The following DEPDC5 variants were observed in gnomAD, a reference collection of about 807,000 sequenced individuals.
The protein encoded by DEPDC5 is GATOR1 complex protein DEPDC5.
DEPDC5 carries 73 observed loss-of-function variants against 217.3 expected under a neutral mutation model. The observed-to-expected ratio is 0.34, with a 90% CI of 0.28 to 0.41. The LOEUF (loss-of-function observed/expected upper bound fraction) is 0.41, where lower values mean the gene tolerates loss of function less well. Ranked by LOEUF, DEPDC5 falls within the 10% of genes least tolerant of loss-of-function variation. The probability of loss-of-function intolerance (pLI) is 1.00; values close to 1 mark genes in which losing one functional copy is unlikely to be tolerated. For missense variants in DEPDC5, 1,675 were observed against 2,070.1 expected (o/e 0.81, Z 3.70); for synonymous variants, 733 against 756.7 (o/e 0.97, Z 0.51).
At chr22:31,831,603 G>A (rs554849558) in intron 24 of DEPDC5, among the ~76,000 whole-genome samples, 4 of 152,034 alleles carry the variant, frequency 2.6e-5, no homozygotes, top group Non-Finnish European at 5.9e-5. Context: ...TGGGATTATA[G>A]GTGCCCACCA....
At chr22:31,841,809 T>TG (rs1216090276) in intron 27 of DEPDC5, among the ~76,000 whole-genome samples, 1 of 152,188 alleles carries the variant, frequency 6.6e-6, no homozygotes, top group African/African-American at 2.4e-5. Context: ...TGTGGAAAGT[T>TG]GGGGTTTTCC....
At chr22:31,856,392 C>G (rs1352756012) in intron 31 of DEPDC5, among the ~76,000 whole-genome samples, 1 of 152,178 alleles carries the variant, frequency 6.6e-6, no homozygotes, top group Non-Finnish European at 1.5e-5. Context: ...CTGCCTCGCA[C>G]TGTCCATCAC....
At chr22:31,879,065 T>TACACAC (rs1370897437) in intron 37 of DEPDC5, among the ~76,000 whole-genome samples, 16 of 137,620 alleles carry the variant, frequency 1.2e-4, no homozygotes, top group Admixed American at 2.2e-4. Context: ...TATATATATA[T>TACACAC]ATACACACAC....
intron 38 of DEPDC5, 111 bp downstream of exon 38, chr22:31,879,863 GC>G: frequency 9.3e-7 from 1 of 1,071,086 alleles, no homozygotes; most frequent in Non-Finnish European, 1.4e-6. Context: ...AGTCGCTGAG[GC>G]CGTCACACAG....
At chr22:31,765,238 A>G (rs2082712445) in intron 5 of DEPDC5, among the ~76,000 whole-genome samples, 178 bp downstream of exon 5, 1 of 152,210 alleles carries the variant, frequency 6.6e-6, no homozygotes, top group African/African-American at 2.4e-5. Flanking sequence ...ACTTGAGGCC[A>G]GGAGTTCAAG....
intron 28 of DEPDC5, among the ~76,000 whole-genome samples, 159 bp from the exon 29 acceptor site, chr22:31,843,486 C>A (rs146151081): frequency 6.6e-6 from 1 of 152,154 alleles, no homozygotes; most frequent in Admixed American, 6.5e-5. Context: ...TTAAGAAGAT[C>A]TGAGAAATTT....
intron 39 of DEPDC5, chr22:31,894,637 G>A (rs2093510419): frequency 6.6e-6 from 1 of 152,170 alleles, no homozygotes. Flanking sequence ...TCAAGGTCAG[G>A]AGTTCAAAAC....
chr22:31,765,775 C>G (rs965506655), intron 5 of DEPDC5, among the ~76,000 whole-genome samples: 5 of 152,034 alleles, frequency 3.3e-5, no homozygotes, highest in Non-Finnish European at 7.4e-5. Context: ...GTAATCCCAG[C>G]ACTTTGGGAG....
rs199566278 is a variant in DEPDC5, at chr22:31,897,670, T to C, written c.4375+17T>C. 1 of 1,612,162 alleles carries C rather than the reference T, an allele frequency of 6.2e-7. No homozygotes were observed. Among genetic ancestry groups the C allele is most frequent in the Non-Finnish European group, 8.5e-7 (1 of 1,179,040 alleles). ...TGTTTGATAGTAAGAAATATTCCCT[T>C]CTGGAGGTTGTCTCAACCAGTAAGA... On this transcript the variant is annotated intron_variant, in intron 40 of 42. Coordinates refer to ENST00000651528, the MANE Select transcript of DEPDC5 (RefSeq NM_001242896.3).
intron 22 of DEPDC5, 68 bp downstream of exon 22, chr22:31,819,293 C>T (rs1053293218): frequency 5.6e-5 from 87 of 1,551,648 alleles, no homozygotes; most frequent in Non-Finnish European, 7.2e-5. Context: ...GTGTCGGTCA[C>T]CCATGTGTCC....
At chr22:31,777,535 C>T (rs1019676076) in intron 7 of DEPDC5, among the ~76,000 whole-genome samples, 2 of 151,836 alleles carry the variant, frequency 1.3e-5, no homozygotes, top group African/African-American at 4.8e-5. Flanking sequence ...GCTGGGATTA[C>T]AGGCGTGAGC....
chr22:31,886,659 C>G (rs1602746594), intron 38 of DEPDC5, among the ~76,000 whole-genome samples: 1 of 147,412 alleles, frequency 6.8e-6, no homozygotes, highest in East Asian at 2.0e-4. Flanking sequence ...ACTCGTGAGG[C>G]TGAGGTGTGA....
intron 3 of DEPDC5, among the ~76,000 whole-genome samples, chr22:31,760,119 G>A (rs5998117): frequency 0.034 from 5,092 of 151,078 alleles, 262 homozygotes; most frequent in African/African-American, 0.11. Context: ...CCAGGCTGGA[G>A]TGCAGTGGCA....
At chr22:31,823,096 G>A (rs2089849944) in intron 24 of DEPDC5, 2 of 288,316 alleles carry the variant, frequency 6.9e-6, no homozygotes, top group Non-Finnish European at 6.8e-6. Flanking sequence ...GGAGTGGTCT[G>A]TGCTCTAGAG....
chr22:31,860,759 A>T, intron 32 of DEPDC5, among the ~76,000 whole-genome samples: 1 of 152,138 alleles, frequency 6.6e-6, no homozygotes, highest in East Asian at 1.9e-4. Context: ...TTTGCTAAAA[A>T]AAAACTAAGC....
At chr22:31,899,407 G>A (rs780539613) in intron 40 of DEPDC5, among the ~76,000 whole-genome samples, 1 of 148,304 alleles carries the variant, frequency 6.7e-6, no homozygotes, top group Non-Finnish European at 1.5e-5. Flanking sequence ...TTTTCTTTTT[G>A]TGACGTAGTC....
At chr22:31,785,143 T>C in intron 10 of DEPDC5, 1 of 338,350 alleles carries the variant, frequency 3.0e-6, no homozygotes, top group Non-Finnish European at 5.4e-6. Flanking sequence ...ATATTCAACA[T>C]TATACTAACT....
rs73404154 is a variant in DEPDC5, at chr22:31,818,508, G to A, written c.1667-514G>A. Among the ~76,000 whole-genome samples the A allele has an allele frequency of 8.7e-3, 1,324 of 152,204 alleles. 18 individuals carry two copies. The highest frequency in any genetic ancestry group is 0.03 in the African/African-American group (1,241 of 41,532). On this transcript the variant is annotated intron_variant, in intron 21 of 42. Coordinates refer to ENST00000651528, the MANE Select transcript of DEPDC5 (RefSeq NM_001242896.3). ...ATTTGAAGCATATAATTTCTACCTG[G>A]CCAGAACTAAGTCATTTGGCTTTAT...
chr22:31,904,958 T>C (rs189851528), intron 41 of DEPDC5, among the ~76,000 whole-genome samples: 1 of 152,308 alleles, frequency 6.6e-6, no homozygotes, highest in Non-Finnish European at 1.5e-5. Flanking sequence ...TTTTCCCTTC[T>C]TTAGTTCTGC....
Sources: allele counts gnomAD v4.1 joint callset (sites outside exome capture counted in the v4.1 genomes callset), GRCh38; gene constraint gnomAD v4.1.1; transcripts MANE v1.5; gene names NCBI Gene and HGNC (gene_info 2026-07-23, HGNC 2026-07-21).